Variants in RIMBP2 observed in about 807,000 individuals in gnomAD.
RIMBP2 encodes RIMS binding protein 2.
A neutral mutation model predicts 118.6 loss-of-function variants in RIMBP2; 48 were observed. The ratio of observed to expected loss-of-function variants is 0.40; its 90% CI spans 0.32 to 0.51. RIMBP2 has a LOEUF of 0.51. RIMBP2 is among the 20% of genes least tolerant of loss of function. The pLI is 0.41. For synonymous variants in RIMBP2, 762 were observed against 742.9 expected (o/e 1.03, Z -0.42); for missense variants, 1,551 against 1,768.3 (o/e 0.88, Z 2.20).
chr12:130,697,115 C>G (rs183240965), intron 1 of RIMBP2, among the ~76,000 whole-genome samples: 28 of 152,314 alleles, frequency 1.8e-4, no homozygotes, highest in Non-Finnish European at 2.1e-4. Flanking sequence ...AATGAACACA[C>G]AGGATGGAAT....
chr12:130,618,888 C>T (rs979131900), intron 2 of RIMBP2, among the ~76,000 whole-genome samples: 1 of 152,054 alleles, frequency 6.6e-6, no homozygotes, highest in Non-Finnish European at 1.5e-5. Context: ...AAAGAGAGGA[C>T]CGAAGAAGGG....
chr12:130,595,545 G>A (rs140766974), intron 2 of RIMBP2, among the ~76,000 whole-genome samples: 147 of 151,964 alleles, frequency 9.7e-4, no homozygotes, highest in Middle Eastern at 3.4e-3. Flanking sequence ...GCAAGACTCC[G>A]TCTCAAAAAT....
chr12:130,575,115 A>C (rs1410479397), intron 2 of RIMBP2, among the ~76,000 whole-genome samples: 1 of 9,086 alleles, frequency 1.1e-4, no homozygotes, highest in Non-Finnish European at 2.1e-4. Context: ...CCAGAATCAC[A>C]CCCCCCACCC....
chr12:130,561,866 T>G (rs1698797952), intron 2 of RIMBP2, among the ~76,000 whole-genome samples: 2 of 152,182 alleles, frequency 1.3e-5, no homozygotes, highest in South Asian at 2.1e-4. Flanking sequence ...ATCTTTTCAT[T>G]CTCCAGAGTT....
chr12:130,655,203 C>A (rs1280016901), intron 1 of RIMBP2, among the ~76,000 whole-genome samples: 1 of 152,200 alleles, frequency 6.6e-6, no homozygotes, highest in African/African-American at 2.4e-5. Flanking sequence ...GGCGGGGCAG[C>A]AAAGGCCTCT....
At chr12:130,600,870 G>A (rs1055105917) in intron 2 of RIMBP2, among the ~76,000 whole-genome samples, 2 of 152,146 alleles carry the variant, frequency 1.3e-5, no homozygotes, top group African/African-American at 4.8e-5. Context: ...CTGCTACAAC[G>A]CTGCTTCTTC....
At position 130,541,657 on chromosome 12, in the gene RIMBP2, A is replaced by T. The variant is rs79490621; in HGVS notation, c.-216-23740T>A. Among the ~76,000 whole-genome samples, 148 of 152,314 alleles carry T rather than the reference A, an allele frequency of 9.7e-4. 4 individuals carry two copies. In the East Asian group the frequency reaches 0.027, roughly 28 times the overall value. On this transcript the variant is annotated intron_variant, in intron 2 of 22. Transcript: ENST00000690449. The stretch of plus-strand genomic sequence containing the variant: ...ATTTCTTTGCCAAGGGAAATTGGAA[A>T]TGTTTTCTTTGAAATGTTCTAATGC...
chr12:130,425,152 C>T (rs1006607966), intron 15 of RIMBP2: 9 of 297,668 alleles, frequency 3.0e-5, no homozygotes, highest in East Asian at 1.1e-4. Context: ...GAGATCCCGG[C>T]GGCACATCAG....
intron 2 of RIMBP2, among the ~76,000 whole-genome samples, chr12:130,580,450 C>T (rs1056491378): frequency 6.6e-6 from 1 of 152,190 alleles, no homozygotes; most frequent in Non-Finnish European, 1.5e-5. Flanking sequence ...TCTTCCCTCC[C>T]CTTCACTTTC....
At chr12:130,698,233 AG>A (rs1243393113) in intron 1 of RIMBP2, among the ~76,000 whole-genome samples, 1 of 152,198 alleles carries the variant, frequency 6.6e-6, no homozygotes, top group East Asian at 1.9e-4. Context: ...ACCGTGACTT[AG>A]TGAAGCCCCT....
intron 1 of RIMBP2, among the ~76,000 whole-genome samples, chr12:130,664,868 C>T (rs1017342933): frequency 1.3e-5 from 2 of 151,706 alleles, no homozygotes; most frequent in Non-Finnish European, 1.5e-5. Flanking sequence ...TAAAGGGGGG[C>T]GGGGCAGGGA....
chr12:130,642,892 G>C (rs1209497180), intron 1 of RIMBP2, among the ~76,000 whole-genome samples: 1 of 152,168 alleles, frequency 6.6e-6, no homozygotes, highest in Non-Finnish European at 1.5e-5. Flanking sequence ...AGGCCACACT[G>C]CCGCTCACTG....
intron 1 of RIMBP2, among the ~76,000 whole-genome samples, chr12:130,673,748 G>A (rs1387438538): frequency 6.6e-6 from 1 of 152,162 alleles, no homozygotes; most frequent in Non-Finnish European, 1.5e-5. Flanking sequence ...TGGATCATGG[G>A]GGTGGATTTC....
intron 6 of RIMBP2, among the ~76,000 whole-genome samples, chr12:130,463,089 T>C (rs2080151235): frequency 1.3e-5 from 2 of 152,210 alleles, no homozygotes; most frequent in African/African-American, 4.8e-5. Flanking sequence ...GAGCTTCCAA[T>C]TGCCTATGGG....
At chr12:130,504,516 A>C (rs1199159730) in intron 4 of RIMBP2, among the ~76,000 whole-genome samples, 1 of 152,138 alleles carries the variant, frequency 6.6e-6, no homozygotes, top group Non-Finnish European at 1.5e-5. Flanking sequence ...CCGGCTTTGA[A>C]GGTGGAGCGC....
At position 130,397,370 on chromosome 12, in the gene RIMBP2, T is replaced by C. The variant is rs893065174; in HGVS notation, c.4080A>G (p.Ala1360=). ...TCCGGAAGCACATGAATCATTTCAC[T>C]GCACCCAGCTTTTTCAGCAGTTTCT... ...KGKKLLKKLG[A]VK Residue 1360 remains alanine, a synonymous_variant, in exon 23 of 23, where the codon GCA becomes GCG. Coordinates refer to ENST00000690449, the MANE Select transcript of RIMBP2 (RefSeq NM_001393629.1). 2 of 399,056 alleles carry C rather than the reference T, an allele frequency of 5.0e-6. No homozygotes were observed. The highest frequency in any genetic ancestry group is 8.8e-6 in the Non-Finnish European group (2 of 226,070). The allele number at this position is 399,056 out of a possible 1,614,324, so 24.7% of individuals were successfully genotyped here. A position where few individuals can be genotyped will look rare whatever the true frequency, so the allele number is the denominator to read the frequency against.
intron 2 of RIMBP2, among the ~76,000 whole-genome samples, chr12:130,520,996 C>T (rs36051110): frequency 0.23 from 35,609 of 152,152 alleles, 4,358 homozygotes; most frequent in African/African-American, 0.26. Context: ...GCAGGGAAGC[C>T]GGCATTGGTC....
At chr12:130,669,485 G>A (rs546305888) in intron 1 of RIMBP2, among the ~76,000 whole-genome samples, 1 of 152,228 alleles carries the variant, frequency 6.6e-6, no homozygotes, top group Non-Finnish European at 1.5e-5. Context: ...GTTCTCGCGA[G>A]AGTGAGGAAG....
intron 1 of RIMBP2, among the ~76,000 whole-genome samples, chr12:130,708,883 C>G (rs78115159): frequency 0.025 from 3,777 of 152,272 alleles, 164 homozygotes; most frequent in African/African-American, 0.086. Context: ...CGCTGTAGTC[C>G]CAACCCAGCT....
Sources: allele counts gnomAD v4.1 joint callset (sites outside exome capture counted in the v4.1 genomes callset), GRCh38; gene constraint gnomAD v4.1.1; transcripts MANE v1.5; gene names NCBI Gene and HGNC (gene_info 2026-07-23, HGNC 2026-07-21).